SIL1: variants seen among roughly 807,000 people sequenced by gnomAD.
SIL1 encodes nucleotide exchange factor SIL1.
A neutral mutation model predicts 49.1 loss-of-function variants in SIL1; 40 were observed. That is an observed-to-expected ratio of 0.81 (90% CI 0.63 to 1.06). SIL1 has a LOEUF of 1.06. Among genes scored for constraint, SIL1 ranks in the 50% least tolerant of loss-of-function variants. The probability of loss-of-function intolerance (pLI) is 0.00; values close to 1 mark genes in which losing one functional copy is unlikely to be tolerated. For synonymous variants in SIL1, 253 were observed against 250.8 expected, an observed-to-expected ratio of 1.01 and a Z score of -0.08; for missense variants, 500 against 572.6, an observed-to-expected ratio of 0.87 and a Z score of 1.29.
intron 5 of SIL1, among the ~76,000 whole-genome samples, chr5:139,030,876 C>G (rs565776052): frequency 1.3e-5 from 2 of 152,164 alleles, no homozygotes; most frequent in African/African-American, 4.8e-5. Flanking sequence ...TCTATATATA[C>G]TTATAACCAA....
chr5:139,183,293 T>C (rs533526634), intron 1 of SIL1, among the ~76,000 whole-genome samples: 2 of 152,278 alleles, frequency 1.3e-5, no homozygotes, highest in Middle Eastern at 3.4e-3. Flanking sequence ...AGAATTCTAT[T>C]TGAAGGCTTT....
rs527443531 is a variant in SIL1, at chr5:139,021,926, G to C, written c.646-634C>G. On this transcript the variant is annotated intron_variant, in intron 6 of 9. Transcript: ENST00000394817. ...GCCTGTGCTACTGGCTAGTGGCTAT[G>C]TATCAGACAGTGCAGAACATTTCTA... 6.0e-4 allele frequency: 102 copies of C among 170,832 alleles called. 1 individual carries two copies. Among genetic ancestry groups the C allele is most frequent in the African/African-American group, 2.4e-3 (99 of 41,754 alleles). 10.6% of individuals were successfully genotyped at this position (170,832 alleles called of 1,614,324 possible).
intron 3 of SIL1, among the ~76,000 whole-genome samples, chr5:139,080,081 A>C (rs1026696416): frequency 1.3e-5 from 2 of 152,186 alleles, no homozygotes; most frequent in Non-Finnish European, 2.9e-5. Context: ...GGGGTGGCAC[A>C]TATTATTGTA....
chr5:138,962,921 T>C (rs545730085), intron 7 of SIL1, among the ~76,000 whole-genome samples: 2 of 152,338 alleles, frequency 1.3e-5, no homozygotes, highest in East Asian at 3.9e-4. Context: ...AAGAGAATTA[T>C]CTGCAGCCTC....
chr5:139,180,770 C>A (rs1011540346), intron 1 of SIL1, among the ~76,000 whole-genome samples: 1 of 152,166 alleles, frequency 6.6e-6, no homozygotes, highest in Non-Finnish European at 1.5e-5. Flanking sequence ...GCTCTGGGCA[C>A]TAGTATGGTA....
At chr5:139,093,399 T>C (rs887119619) in intron 3 of SIL1, among the ~76,000 whole-genome samples, 3 of 152,356 alleles carry the variant, frequency 2.0e-5, no homozygotes, top group East Asian at 1.9e-4. Context: ...ACAGGTGTTA[T>C]TGAACAGGTG....
At chr5:139,052,793 A>T (rs1769319189) in intron 3 of SIL1, among the ~76,000 whole-genome samples, 1 of 152,148 alleles carries the variant, frequency 6.6e-6, no homozygotes, top group Admixed American at 6.6e-5. Context: ...GAATAAAGGG[A>T]ATACCAGAGT....
At chr5:139,181,185 A>C (rs1268612587) in intron 1 of SIL1, among the ~76,000 whole-genome samples, 1 of 152,154 alleles carries the variant, frequency 6.6e-6, no homozygotes, top group Non-Finnish European at 1.5e-5. Context: ...TTTCCAACCA[A>C]GCCTCTAGTG....
intron 9 of SIL1, 57 bp downstream of exon 9, chr5:138,951,114 C>A: frequency 6.4e-7 from 1 of 1,570,488 alleles, no homozygotes; most frequent in East Asian, 2.3e-5. Context: ...TCTGTCCATC[C>A]ACCCAGAAGC....
chr5:139,041,467 A>C (rs1769046042), intron 5 of SIL1, among the ~76,000 whole-genome samples: 1 of 152,202 alleles, frequency 6.6e-6, no homozygotes, highest in Middle Eastern at 3.2e-3. Context: ...CTGTCTCTCT[A>C]GGACATTACC....
At chr5:139,163,853 T>G (rs1213768290) in intron 1 of SIL1, among the ~76,000 whole-genome samples, 2 of 152,012 alleles carry the variant, frequency 1.3e-5, no homozygotes, top group Non-Finnish European at 2.9e-5. Context: ...ATTCCTATAA[T>G]TCACGCCTAT....
chr5:139,096,268 C>T (rs1197109316), intron 3 of SIL1, among the ~76,000 whole-genome samples: 2 of 152,138 alleles, frequency 1.3e-5, no homozygotes, highest in East Asian at 1.9e-4. Flanking sequence ...AGGGAATCAC[C>T]GATCCCGGCA....
At chr5:139,152,674 A>G (rs942176062) in intron 1 of SIL1, among the ~76,000 whole-genome samples, 1 of 152,016 alleles carries the variant, frequency 6.6e-6, no homozygotes, top group Non-Finnish European at 1.5e-5. Context: ...ATTACTCTAT[A>G]GCCAGACCAT....
At chr5:139,128,840 C>T (rs1025715755) in intron 1 of SIL1, among the ~76,000 whole-genome samples, 5 of 152,020 alleles carry the variant, frequency 3.3e-5, no homozygotes, top group African/African-American at 4.8e-5. Context: ...CCCAGAATAG[C>T]CAAAACAATC....
intron 1 of SIL1, among the ~76,000 whole-genome samples, chr5:139,152,115 G>T (rs1200142755): frequency 6.6e-6 from 1 of 152,164 alleles, no homozygotes; most frequent in Non-Finnish European, 1.5e-5. Context: ...AACACCGCAG[G>T]CTCGGCAATG....
At chr5:138,967,469 C>T (rs942822241) in intron 7 of SIL1, among the ~76,000 whole-genome samples, 2 of 152,190 alleles carry the variant, frequency 1.3e-5, no homozygotes, top group Non-Finnish European at 2.9e-5. Flanking sequence ...GGCCAGAAGA[C>T]CCAGGCCGTG....
Position 139,043,185 on chromosome 5 carries a change from G to A in SIL1, c.354-466C>T, listed in dbSNP as rs1459101836. On this transcript the variant is annotated intron_variant, in intron 4 of 9. Transcript: ENST00000394817. ...AGAGGAAAGACGCAGCTGAAAATGGGATCATTTCATGAAAGAGGAAGCAAT... is the reference window on the plus strand; with the variant it reads ...AGAGGAAAGACGCAGCTGAAAATGGAATCATTTCATGAAAGAGGAAGCAAT... Among the ~76,000 whole-genome samples, 4 of 152,162 alleles carry A rather than the reference G, an allele frequency of 2.6e-5. No homozygotes were observed. The East Asian group carries it at 7.7e-4, about 29-fold the overall frequency.
chr5:139,054,584 C>T (rs1218481478), intron 3 of SIL1, among the ~76,000 whole-genome samples: 1 of 151,722 alleles, frequency 6.6e-6, no homozygotes, highest in East Asian at 1.9e-4. Flanking sequence ...GGTACTAATA[C>T]TAGTAATATA....
At chr5:139,022,495 G>C (rs544545779) in intron 6 of SIL1, 1 of 152,338 alleles carries the variant, frequency 6.6e-6, no homozygotes, top group East Asian at 1.9e-4. Flanking sequence ...TAGCTCCAGG[G>C]ACTAGGATGG....
Sources: allele counts gnomAD v4.1 joint callset (sites outside exome capture counted in the v4.1 genomes callset), GRCh38; gene constraint gnomAD v4.1.1; transcripts MANE v1.5; gene names NCBI Gene and HGNC (gene_info 2026-07-23, HGNC 2026-07-21).